GNA14: variants seen among roughly 807,000 people sequenced by gnomAD.
GNA14 encodes G protein subunit alpha 14, also known as guanine nucleotide-binding protein subunit alpha-14.
In GNA14, 50 loss-of-function variants were observed where a neutral mutation model predicts 42.0. That is an observed-to-expected ratio of 1.19 (90% CI 0.95 to 1.51). GNA14 has a LOEUF of 1.51. Ranked by LOEUF, GNA14 falls within the 40% of genes most tolerant of loss-of-function variation. GNA14 has a pLI of 0.00. For synonymous variants in GNA14, 173 were observed against 163.1 expected, an observed-to-expected ratio of 1.06 and a Z score of -0.46; for missense variants, 473 against 446.2, an observed-to-expected ratio of 1.06 and a Z score of -0.54.
intron 2 of GNA14, among the ~76,000 whole-genome samples, chr9:77,498,625 G>A (rs773727909): frequency 1.8e-4 from 27 of 152,088 alleles, no homozygotes; most frequent in African/African-American, 5.8e-4. Flanking sequence ...GGCACAGGAC[G>A]CACTTAGACA....
intron 1 of GNA14, among the ~76,000 whole-genome samples, chr9:77,531,053 G>A (rs1456721060): frequency 6.6e-6 from 1 of 152,158 alleles, no homozygotes; most frequent in Non-Finnish European, 1.5e-5. Context: ...GCCTGCTTTA[G>A]GCCCTCAAAG....
At chr9:77,604,781 A>C (rs1468729888) in intron 1 of GNA14, among the ~76,000 whole-genome samples, 1 of 151,692 alleles carries the variant, frequency 6.6e-6, no homozygotes, top group Non-Finnish European at 1.5e-5. Context: ...TGTTGCAAGG[A>C]CCAAACTAGA....
At chr9:77,502,151 G>A (rs1300436819) in intron 2 of GNA14, among the ~76,000 whole-genome samples, 1 of 151,972 alleles carries the variant, frequency 6.6e-6, no homozygotes, top group Non-Finnish European at 1.5e-5. Flanking sequence ...CTCTCTATAT[G>A]TCTTATTTCT....
At chr9:77,629,861 C>A (rs961928542) in intron 1 of GNA14, among the ~76,000 whole-genome samples, 3 of 151,926 alleles carry the variant, frequency 2.0e-5, no homozygotes, top group African/African-American at 7.3e-5. Context: ...ACATGTATCC[C>A]AGAACTTAAA....
At position 77,441,191 on chromosome 9, in the gene GNA14, G is replaced by A. The variant is rs917906845; in HGVS notation, c.310-6669C>T. Among the ~76,000 whole-genome samples, 8 of 152,078 alleles carry A rather than the reference G, an allele frequency of 5.3e-5. No individual in the cohort carries two copies. The South Asian group carries it at 6.2e-4, about 12-fold the overall frequency. On this transcript the variant is annotated intron_variant, in intron 2 of 6. Transcript: ENST00000341700. ...AATGTCATCCTGAATTGTAATTCCC[G>A]TAATCCCCACATGTCAAGGGAGGGA...
chr9:77,540,296 G>A (rs1296273566), intron 1 of GNA14, among the ~76,000 whole-genome samples: 1 of 151,832 alleles, frequency 6.6e-6, no homozygotes, highest in Non-Finnish European at 1.5e-5. Flanking sequence ...GTTCCTCTTG[G>A]TATTGATCCC....
At chr9:77,579,017 C>T (rs1823173847) in intron 1 of GNA14, among the ~76,000 whole-genome samples, 1 of 152,316 alleles carries the variant, frequency 6.6e-6, no homozygotes, top group Non-Finnish European at 1.5e-5. Context: ...GGGCCACTGC[C>T]TCTGCTCTAT....
intron 1 of GNA14, among the ~76,000 whole-genome samples, chr9:77,628,792 A>G (rs878997275): frequency 6.6e-6 from 1 of 152,238 alleles, no homozygotes; most frequent in African/African-American, 2.4e-5. Context: ...ACCCTAGAAG[A>G]AAACCTAGGC....
chr9:77,549,857 C>T (rs1354593205), intron 1 of GNA14, among the ~76,000 whole-genome samples: 1 of 152,160 alleles, frequency 6.6e-6, no homozygotes, highest in Non-Finnish European at 1.5e-5. Context: ...TCCCCAGCTT[C>T]ACATCCTCGT....
intron 2 of GNA14, among the ~76,000 whole-genome samples, chr9:77,482,624 C>A (rs1226008908): frequency 1.3e-5 from 2 of 152,148 alleles, no homozygotes; most frequent in African/African-American, 2.4e-5. Flanking sequence ...TGGGGAAGTT[C>A]TCCTGGATAA....
At position 77,425,730 on chromosome 9, in the gene GNA14, A is replaced by T. The variant is rs199732364; in HGVS notation, c.724-15T>A. On this transcript the variant is annotated splice_polypyrimidine_tract_variant and intron_variant, in intron 5 of 6. Transcript: ENST00000341700. ...TCCATGCGATTCTAAGTGAAAAACA[A>T]GGGACTTGGGATGAAGTAGAAAGGA... 2.3e-4 allele frequency: 356 copies of T among 1,579,434 alleles called. 2 individuals carry two copies. The South Asian group carries it at 3.9e-3, about 17-fold the overall frequency.
chr9:77,429,347 C>T (rs1351748004), intron 4 of GNA14, among the ~76,000 whole-genome samples: 2 of 152,118 alleles, frequency 1.3e-5, no homozygotes, highest in Non-Finnish European at 2.9e-5. Context: ...CACTTGGGTT[C>T]TGTGACAACC....
intron 1 of GNA14, among the ~76,000 whole-genome samples, chr9:77,634,086 T>C (rs1824140138): frequency 6.6e-6 from 1 of 152,166 alleles, no homozygotes; most frequent in Non-Finnish European, 1.5e-5. Flanking sequence ...TTTGGTTACA[T>C]ATCAAAATCT....
Position 77,424,173 on chromosome 9 carries a change from G to A in GNA14, c.878-4C>T. ...GCTCTGACATCCTGTTTCGGTCCTA[G>A]TCACAAGTGCAATTACAGGAATAAA... On this transcript the variant is annotated splice_polypyrimidine_tract_variant and splice_region_variant and intron_variant, in intron 6 of 6. Transcript: ENST00000341700. 1 of 1,595,686 alleles carries A rather than the reference G, an allele frequency of 6.3e-7. No homozygotes were observed. Among genetic ancestry groups the A allele is most frequent in the Non-Finnish European group, 8.6e-7 (1 of 1,168,400 alleles).
chr9:77,541,533 T>C (rs1028340129), intron 1 of GNA14, among the ~76,000 whole-genome samples: 1 of 152,206 alleles, frequency 6.6e-6, no homozygotes, highest in African/African-American at 2.4e-5. Context: ...TTTTGCATTG[T>C]ATCTGTTTGA....
chr9:77,489,757 G>C (rs1018923768), intron 2 of GNA14, among the ~76,000 whole-genome samples: 3 of 152,130 alleles, frequency 2.0e-5, no homozygotes, highest in South Asian at 4.2e-4. Flanking sequence ...CGGTGGGCTC[G>C]TGGTCTCGCT....
At chr9:77,536,523 G>C (rs1837601577) in intron 1 of GNA14, among the ~76,000 whole-genome samples, 1 of 152,152 alleles carries the variant, frequency 6.6e-6, no homozygotes, top group African/African-American at 2.4e-5. Context: ...GCTAATTTTT[G>C]TATTTTTAGT....
chr9:77,578,039 G>A lies in GNA14; in HGVS notation c.125-48786C>T, dbSNP rs559979487. 5.9e-5 allele frequency among the ~76,000 whole-genome samples: 9 copies of A among 152,038 alleles called. No homozygotes were observed. The South Asian group carries it at 8.3e-4, about 14-fold the overall frequency. ...TACTAGCACCTTGGGAGGCTGAGGC[G>A]GGCAGATCACGAGGTCAAGAGATCG... On this transcript the variant is annotated intron_variant, in intron 1 of 6. Transcript: ENST00000341700.
At chr9:77,638,817 G>A (rs1824217958) in intron 1 of GNA14, among the ~76,000 whole-genome samples, 1 of 152,160 alleles carries the variant, frequency 6.6e-6, no homozygotes, top group African/African-American at 2.4e-5. Context: ...TTTGGATAGG[G>A]GAAGAAGTGG....
Sources: allele counts gnomAD v4.1 joint callset (sites outside exome capture counted in the v4.1 genomes callset), GRCh38; gene constraint gnomAD v4.1.1; transcripts MANE v1.5; gene names NCBI Gene and HGNC (gene_info 2026-07-23, HGNC 2026-07-21).